Variants in XYLB observed in about 807,000 individuals in gnomAD.
XYLB encodes xylulokinase.
A neutral mutation model predicts 78.7 loss-of-function variants in XYLB; 62 were observed. The ratio of observed to expected loss-of-function variants is 0.79; its 90% CI spans 0.64 to 0.97. The LOEUF (loss-of-function observed/expected upper bound fraction) is 0.97. Among genes scored for constraint, XYLB ranks in the 50% least tolerant of loss-of-function variants. XYLB has a pLI of 0.00. For synonymous variants in XYLB, 245 were observed against 247.4 expected (o/e 0.99, Z 0.09); for missense variants, 687 against 676.8 (o/e 1.02, Z -0.17).
At chr3:38,420,744 T>G (rs1042022649), downstream of XYLB, among the ~76,000 whole-genome samples, 7 of 151,874 alleles carry the variant, frequency 4.6e-5, no homozygotes, top group African/African-American at 1.7e-4. Flanking sequence ...TTGGTAGAGA[T>G]AGGGTTTTGC....
At chr3:38,364,815 C>G (rs1205238798) in intron 4 of XYLB, among the ~76,000 whole-genome samples, 1 of 152,114 alleles carries the variant, frequency 6.6e-6, no homozygotes, top group African/African-American at 2.4e-5. Flanking sequence ...TGTCGCAAGC[C>G]TGGCATGATC....
At chr3:38,439,903 C>A in the XYLB span, among the ~76,000 whole-genome samples, 1 of 152,204 alleles carries the variant, frequency 6.6e-6, no homozygotes, top group Admixed American at 6.5e-5. Context: ...GTCCTCCTTT[C>A]TCAGCAGTGA....
chr3:38,423,214 A>G (rs888387892), downstream of XYLB, among the ~76,000 whole-genome samples: 17 of 151,890 alleles, frequency 1.1e-4, no homozygotes, highest in Non-Finnish European at 2.9e-5. Context: ...CTGGGACTAT[A>G]GGCGCCCACC....
chr3:38,372,853 C>G (rs1217432099), intron 10 of XYLB, 117 bp downstream of exon 10: 2 of 1,115,298 alleles, frequency 1.8e-6, no homozygotes, highest in Admixed American at 1.9e-5. Context: ...TCACCACCCC[C>G]ACCCATGCTG....
chr3:38,424,544 C>T (rs572370269), downstream of XYLB, among the ~76,000 whole-genome samples: 8 of 152,208 alleles, frequency 5.3e-5, no homozygotes, highest in East Asian at 5.8e-4. Flanking sequence ...ATTGAAGGTG[C>T]GGAAAATGTT....
intron 15 of XYLB, among the ~76,000 whole-genome samples, chr3:38,382,443 T>C (rs944297558): frequency 1.3e-5 from 2 of 152,256 alleles, no homozygotes; most frequent in Non-Finnish European, 2.9e-5. Flanking sequence ...GTTTAGTTTT[T>C]AAAAATTTAT....
intron 18 of XYLB, among the ~76,000 whole-genome samples, chr3:38,405,765 C>T (rs1269276724): frequency 2.6e-5 from 4 of 152,240 alleles, no homozygotes; most frequent in Non-Finnish European, 4.4e-5. Context: ...CCTACGCCCA[C>T]GGAGTCTTGC....
intron 8 of XYLB, 119 bp from the exon 9 acceptor site, chr3:38,369,937 A>G (rs1235179244): frequency 3.5e-6 from 3 of 865,600 alleles, no homozygotes; most frequent in Non-Finnish European, 5.8e-6. Context: ...CCTTCCATGA[A>G]GAAAGAGCTC....
chr3:38,418,013 G>A (rs1708854559), downstream of XYLB, among the ~76,000 whole-genome samples: 6 of 151,450 alleles, frequency 4.0e-5, no homozygotes, highest in Admixed American at 4.0e-4. Flanking sequence ...CCAACATGGT[G>A]AAACCCCGTC....
chr3:38,419,828 C>T (rs1427986233), downstream of XYLB, among the ~76,000 whole-genome samples: 1 of 151,284 alleles, frequency 6.6e-6, no homozygotes, highest in African/African-American at 2.4e-5. Flanking sequence ...ATATAAAAAT[C>T]ATTTTTTTTT....
At chr3:38,356,267 GAA>G (rs1705649027) in intron 2 of XYLB, 1 of 135,270 alleles carries the variant, frequency 7.4e-6, no homozygotes, top group African/African-American at 3.0e-5. Flanking sequence ...AAAAAAAAAA[GAA>G]AGAGAAAATA....
Position 38,370,109 on chromosome 3 carries a change from C to T in XYLB, c.700C>T (p.Leu234Phe), listed in dbSNP as rs769414592. The change falls in exon 9 of 19, where the codon CTT becomes TTT. Residue 234 changes from leucine (L) to phenylalanine (F), a missense_variant. Transcript: ENST00000207870. ...IQDKVWSQAC[L>F]GACAPHLEEK... Reference sequence around the variant, plus strand: ...GGATAAAGTCTGGTCCCAGGCTTGCCTTGGTGCCTGTGCACCTCATTTAGA... The same window carrying T: ...GGATAAAGTCTGGTCCCAGGCTTGCTTTGGTGCCTGTGCACCTCATTTAGA... 3.7e-5 allele frequency: 60 copies of T among 1,614,104 alleles called. No homozygotes were observed. In the East Asian group the frequency reaches 1.3e-3, roughly 35 times the overall value.
rs530370709 is a variant in XYLB, at chr3:38,405,827, G to A, written c.1533+4842G>A. Among the ~76,000 whole-genome samples the A allele has an allele frequency of 9.4e-4, 143 of 152,368 alleles. 1 individual carries two copies. The highest frequency in any genetic ancestry group is 3.3e-3 in the African/African-American group (139 of 41,592). On this transcript the variant is annotated intron_variant, in intron 18 of 18. Coordinates refer to ENST00000207870, the MANE Select transcript of XYLB (RefSeq NM_005108.4). ...CAAACTGCAAGGCGGCAGCCAGGCT[G>A]GGGGAGGGGCGCCTGCCATTGCCCA... is the stretch of plus-strand genomic sequence containing the variant.
rs373450802 is a variant in XYLB at position 38,376,279 on chromosome 3, C to A, written c.1120+47C>A. ...AGGCCTGTGAAGGGTCAGCAGCTGC[C>A]GACTGGAGGGGCAGAGCCTGGGGCC... On this transcript the variant is annotated intron_variant, in intron 13 of 18. Coordinates refer to ENST00000207870, the MANE Select transcript of XYLB (RefSeq NM_005108.4). 1,472 of 1,405,204 alleles carry A rather than the reference C, an allele frequency of 1.0e-3. 3 individuals are homozygous for A. The highest frequency in any genetic ancestry group is 1.3e-3 in the South Asian group (115 of 86,878). 87.0% of individuals were successfully genotyped at this position (1,405,204 alleles called of 1,614,324 possible). A position where few individuals can be genotyped will look rare whatever the true frequency, so the allele number is the denominator to read the frequency against.
chr3:38,382,425 A>G (rs1419117917), intron 15 of XYLB, among the ~76,000 whole-genome samples: 1 of 152,158 alleles, frequency 6.6e-6, no homozygotes. Context: ...TTCATGTTCC[A>G]TGGGTGTGTT....
In XYLB at chr3:38,400,891, G is replaced by A. The variant is rs1708094649; in HGVS notation, c.1439G>A (p.Gly480Asp). The A allele has an allele frequency of 3.7e-6, 6 of 1,613,846 alleles. No individual in the cohort carries two copies. The highest frequency in any genetic ancestry group is 1.7e-5 in the Admixed American group (1 of 59,942). Residue 480 changes from glycine (G) to aspartate (D), a missense_variant and splice_region_variant, in exon 18 of 19, where the codon GGT becomes GAT. Gly to Asp is a moderately conservative substitution (Grantham distance 94). Transcript: ENST00000207870. ...ATGTGAAGTGACCTTTCCCTTCTAG[G>A]TCTTGCAGGTGGAACAGATGTGCCC... ...CVGSAYRAFH[G>D]LAGGTDVPFS... is the part of the protein sequence containing the mutation.
chr3:38,411,604 T>G (rs1198631925), intron 18 of XYLB, among the ~76,000 whole-genome samples: 2 of 152,100 alleles, frequency 1.3e-5, no homozygotes, highest in Admixed American at 6.5e-5. Context: ...TACAGTTGCT[T>G]TTAGTTTTTC....
intron 2 of XYLB, among the ~76,000 whole-genome samples, chr3:38,358,454 C>T (rs946682654): frequency 1.3e-5 from 2 of 150,942 alleles, no homozygotes; most frequent in African/African-American, 4.9e-5. Flanking sequence ...AAACAATTCT[C>T]CCACCTTAGT....
chr3:38,349,419 G>C (rs1337626803), intron 2 of XYLB, among the ~76,000 whole-genome samples: 1 of 152,190 alleles, frequency 6.6e-6, no homozygotes, highest in African/African-American at 2.4e-5. Context: ...ATATCTCTCT[G>C]GGGGCATTGG....
Sources: allele counts gnomAD v4.1 joint callset (sites outside exome capture counted in the v4.1 genomes callset), GRCh38; gene constraint gnomAD v4.1.1; transcripts MANE v1.5; gene names NCBI Gene and HGNC (gene_info 2026-07-23, HGNC 2026-07-21).